Variants in INTU observed in about 807,000 individuals in gnomAD.
INTU encodes the protein inturned planar cell polarity protein, also known as protein inturned.
In INTU, 68 loss-of-function variants were observed where a neutral mutation model predicts 100.5. That is an observed-to-expected ratio of 0.68 (90% CI 0.56 to 0.83). The LOEUF (loss-of-function observed/expected upper bound fraction) is 0.83, where lower values mean the gene tolerates loss of function less well. Among genes scored for constraint, INTU ranks in the 40% least tolerant of loss-of-function variants. INTU has a pLI of 0.00. For synonymous variants in INTU, 357 were observed against 395.7 expected (o/e 0.90, Z 1.16); for missense variants, 1,071 against 1,114.7 (o/e 0.96, Z 0.56).
rs1731276581 is a variant in INTU at position 127,716,921 on chromosome 4, T to A, written c.*485T>A. ...TTTTGTACCTCTCTAAGCTCAGAGTTTTCATGTAAAATGAGATGATTGCAT... is the reference window on the plus strand; with the variant it reads ...TTTTGTACCTCTCTAAGCTCAGAGTATTCATGTAAAATGAGATGATTGCAT... On this transcript the variant is annotated 3_prime_UTR_variant, in exon 16 of 16. Coordinates refer to ENST00000335251, the MANE Select transcript of INTU (RefSeq NM_015693.4). 6.6e-6 allele frequency: 1 copy of A among 152,180 alleles called. No homozygotes were observed. Among genetic ancestry groups the A allele is most frequent in the Admixed American group, 6.5e-5 (1 of 15,278 alleles). The allele number at this position is 152,180 out of a possible 1,614,324, so 9.4% of individuals were successfully genotyped here.
chr4:127,677,776 G>T (rs912263569), intron 6 of INTU, among the ~76,000 whole-genome samples: 2 of 152,236 alleles, frequency 1.3e-5, no homozygotes, highest in African/African-American at 2.4e-5. Context: ...GATGAGAGAA[G>T]AAGGCTTCAG....
At position 127,681,968 on chromosome 4, in the gene INTU, G is replaced by T. The variant is rs527610894; in HGVS notation, c.1182-2441G>T. Reference sequence around the variant, plus strand: ...GGACATGAACAGATACTTCTCAAAAGAAGACATTTATGCAGCCAAAAAACA... The same window carrying T: ...GGACATGAACAGATACTTCTCAAAATAAGACATTTATGCAGCCAAAAAACA... On this transcript the variant is annotated intron_variant, in intron 6 of 15. Coordinates refer to ENST00000335251, the MANE Select transcript of INTU (RefSeq NM_015693.4). Among the ~76,000 whole-genome samples the T allele has an allele frequency of 6.6e-3, 996 of 151,956 alleles. 13 individuals are homozygous for T. The highest frequency in any genetic ancestry group is 0.022 in the African/African-American group (926 of 41,256).
At chr4:127,711,796 G>C (rs1731105572) in intron 14 of INTU, among the ~76,000 whole-genome samples, 1 of 152,176 alleles carries the variant, frequency 6.6e-6, no homozygotes, top group African/African-American at 2.4e-5. Context: ...TCCAATGCCA[G>C]AAAGGTTGGG....
chr4:127,667,955 G>A (rs72616926), intron 4 of INTU, among the ~76,000 whole-genome samples: 4,658 of 151,990 alleles, frequency 0.031, 309 homozygotes, highest in East Asian at 0.27. Flanking sequence ...TAGCGAGACC[G>A]CAGCAAGATA....
At chr4:127,655,303 G>A (rs1002416826) in intron 2 of INTU, among the ~76,000 whole-genome samples, 4 of 152,008 alleles carry the variant, frequency 2.6e-5, no homozygotes, top group African/African-American at 4.8e-5. Flanking sequence ...GGTGCTCTGC[G>A]TTTTAGAGTT....
Position 127,663,476 on chromosome 4 carries a change from G to C in INTU, c.864G>C (p.Lys288Asn). The stretch of plus-strand genomic sequence containing the variant: ...AGTCCAACACAAGTGATTTAGTCAA[G>C]CTTCTCTGGGGAGAAGAGGTTGAAG... ...KTQSNTSDLV[K>N]LLWGEEVEGI... Residue 288 changes from lysine to asparagine, a missense_variant, in exon 4 of 16, where the codon AAG becomes AAC. Physicochemically the swap from Lys to Asn is moderately conservative, Grantham distance 94. Transcript: ENST00000335251. The C allele has an allele frequency of 2.5e-6, 4 of 1,613,246 alleles. No homozygotes were observed. Among genetic ancestry groups the C allele is most frequent in the Non-Finnish European group, 3.4e-6 (4 of 1,179,328 alleles).
chr4:127,710,480 G>A (rs1731053075), intron 13 of INTU, among the ~76,000 whole-genome samples: 1 of 152,066 alleles, frequency 6.6e-6, no homozygotes, highest in African/African-American at 2.4e-5. Flanking sequence ...TAACTTAAAT[G>A]TATTTAATTT....
In INTU at chr4:127,669,049, A is replaced by G; in HGVS notation, c.986A>G (p.Tyr329Cys). Residue 329 changes from tyrosine (Y) to cysteine (C), a missense_variant, in exon 5 of 16, where the codon TAT becomes TGT. By Grantham distance (194) the Tyr-to-Cys change is radical. Transcript: ENST00000335251. ...ETSKEEQEIL[Y>C]HYPMSEASQK... is the part of the protein sequence containing the mutation. ...TTCATTTAACAGCAGGAAATTCTTT[A>G]TCATTATCCAATGTCTGAAGCATCT... The G allele has an allele frequency of 6.8e-7, 1 of 1,462,736 alleles. No homozygotes were observed. Among genetic ancestry groups the G allele is most frequent in the Non-Finnish European group, 9.3e-7 (1 of 1,072,482 alleles). The allele number at this position is 1,462,736 out of a possible 1,614,324, so 90.6% of individuals were successfully genotyped here. A position where few individuals can be genotyped will look rare whatever the true frequency, so the allele number is the denominator to read the frequency against.
At chr4:127,640,612 T>C (rs1395628424) in intron 1 of INTU, among the ~76,000 whole-genome samples, 1 of 133,992 alleles carries the variant, frequency 7.5e-6, no homozygotes, top group African/African-American at 2.8e-5. Context: ...AACACACATG[T>C]GTATATTGAT....
rs377653543 is a variant in INTU, at chr4:127,663,041, A to G, written c.769-340A>G. On this transcript the variant is annotated intron_variant, in intron 3 of 15. Coordinates refer to ENST00000335251, the MANE Select transcript of INTU (RefSeq NM_015693.4). Reference sequence around the variant, plus strand: ...ATTGTGGTGTTATTCTTTTTGCACTATCAGATCATACTAATTTCTGGTTTT... The same window carrying G: ...ATTGTGGTGTTATTCTTTTTGCACTGTCAGATCATACTAATTTCTGGTTTT... 2.6e-5 allele frequency among the ~76,000 whole-genome samples: 4 copies of G among 152,292 alleles called. No individual in the cohort carries two copies. In the East Asian group the frequency reaches 7.7e-4, roughly 29 times the overall value.
chr4:127,665,338 C>T (rs981480298), intron 4 of INTU, among the ~76,000 whole-genome samples: 4 of 151,256 alleles, frequency 2.6e-5, no homozygotes, highest in African/African-American at 9.7e-5. Flanking sequence ...TTTAAATTTA[C>T]AATTGTGCCT....
At chr4:127,659,058 A>G (rs995872738) in intron 3 of INTU, among the ~76,000 whole-genome samples, 1 of 152,012 alleles carries the variant, frequency 6.6e-6, no homozygotes, top group East Asian at 1.9e-4. Context: ...TTCCTGGGAG[A>G]ATCTAATGTC....
chr4:127,650,239 A>G (rs902068544), intron 2 of INTU, among the ~76,000 whole-genome samples: 1 of 152,042 alleles, frequency 6.6e-6, no homozygotes, highest in Non-Finnish European at 1.5e-5. Context: ...TTTTTTTATT[A>G]TACTTTAAGT....
At chr4:127,649,442 A>C (rs1727732912) in intron 2 of INTU, among the ~76,000 whole-genome samples, 1 of 152,108 alleles carries the variant, frequency 6.6e-6, no homozygotes, top group Admixed American at 6.5e-5. Flanking sequence ...ATTATCTACC[A>C]ACACGATTCT....
Position 127,705,742 on chromosome 4 carries a change from C to T in INTU, c.1718C>T (p.Pro573Leu), listed in dbSNP as rs1037287047. 2 of 1,613,964 alleles carry T rather than the reference C, an allele frequency of 1.2e-6. No individual in the cohort carries two copies. The part of the protein sequence containing the change: ...REVFPQHHLR[P>L]LADSSTEVFP... The stretch of plus-strand genomic sequence containing the variant: ...GTGTTTCCTCAGCATCACCTCCGAC[C>T]TTTGGCAGACTCAAGCACTGAAGTC... Residue 573 changes from proline (P) to leucine (L), a missense_variant, in exon 11 of 16, where the codon CCT becomes CTT. Transcript: ENST00000335251.
chr4:127,645,654 G>A (rs1401799939), intron 2 of INTU, among the ~76,000 whole-genome samples: 15 of 151,886 alleles, frequency 9.9e-5, no homozygotes, highest in African/African-American at 2.7e-4. Context: ...TCTACCTCCC[G>A]GGTTCAAGCG....
chr4:127,660,523 C>T (rs1363406437), intron 3 of INTU, among the ~76,000 whole-genome samples: 4 of 152,114 alleles, frequency 2.6e-5, no homozygotes, highest in African/African-American at 9.7e-5. Flanking sequence ...TGACAGCCTC[C>T]CCAGGTCCCA....
At chr4:127,636,469 G>A (rs976534476) in intron 1 of INTU, among the ~76,000 whole-genome samples, 3 of 151,640 alleles carry the variant, frequency 2.0e-5, no homozygotes, top group African/African-American at 7.3e-5. Context: ...AAAATTAGCC[G>A]GGCATGGTGG....
chr4:127,679,196 A>G (rs1305841509), intron 6 of INTU, among the ~76,000 whole-genome samples: 1 of 152,186 alleles, frequency 6.6e-6, no homozygotes, highest in Admixed American at 6.5e-5. Flanking sequence ...CAGATCAATG[A>G]GACAGAAAGT....
Sources: allele counts gnomAD v4.1 joint callset (sites outside exome capture counted in the v4.1 genomes callset), GRCh38; gene constraint gnomAD v4.1.1; transcripts MANE v1.5; gene names NCBI Gene and HGNC (gene_info 2026-07-23, HGNC 2026-07-21).